The following GABRA4 variants were observed in gnomAD, a reference collection of about 807,000 sequenced individuals.
GABRA4 encodes gamma-aminobutyric acid type A receptor subunit alpha4, also known as gamma-aminobutyric acid receptor subunit alpha-4.
A neutral mutation model predicts 49.7 loss-of-function variants in GABRA4; 12 were observed. The observed-to-expected ratio is 0.24, with a 90% CI of 0.15 to 0.39. The LOEUF (loss-of-function observed/expected upper bound fraction) is 0.39. Ranked by LOEUF, GABRA4 falls within the 10% of genes least tolerant of loss-of-function variation. The pLI, the probability that GABRA4 is intolerant of heterozygous loss-of-function variation, is 1.00. For synonymous variants in GABRA4, 288 were observed against 240.2 expected (o/e 1.20, Z -1.84); for missense variants, 506 against 686.0 (o/e 0.74, Z 2.93).
At chr4:46,939,464 A>T in intron 8 of GABRA4, among the ~76,000 whole-genome samples, 1 of 151,972 alleles carries the variant, frequency 6.6e-6, no homozygotes, top group Non-Finnish European at 1.5e-5. Flanking sequence ...CATTTTCCCA[A>T]TGAGGGCACT....
chr4:46,928,752 T>C lies in GABRA4; in HGVS notation c.1138A>G (p.Thr380Ala), dbSNP rs142872897. ...TTTCTCATGTTCAAATTGGCATTTGTATTCTGAAAAGGTATATGAAAAAAT... is the reference window on the plus strand; with the variant it reads ...TTTCTCATGTTCAAATTGGCATTTGCATTCTGAAAAGGTATATGAAAAAAT... ...EKHPEAPLQNTNANLNMRKRT... is the reference protein window; with the variant it reads ...EKHPEAPLQNANANLNMRKRT... Residue 380 changes from threonine (T) to alanine (A), a missense_variant, in exon 9 of 9, where the codon ACA becomes GCA. Coordinates refer to ENST00000264318, the MANE Select transcript of GABRA4 (RefSeq NM_000809.4). 115 of 1,603,876 alleles carry C rather than the reference T, an allele frequency of 7.2e-5. No homozygotes were observed. Among genetic ancestry groups the C allele is most frequent in the Admixed American group, 1.0e-4 (6 of 59,498 alleles).
chr4:46,988,521 C>A (rs185177489), intron 2 of GABRA4, among the ~76,000 whole-genome samples: 3 of 152,298 alleles, frequency 2.0e-5, no homozygotes, highest in African/African-American at 4.8e-5. Context: ...AAGGCTAGCA[C>A]ATGACACATT....
intron 8 of GABRA4, among the ~76,000 whole-genome samples, chr4:46,941,712 T>C (rs1268121290): frequency 1.3e-5 from 2 of 152,138 alleles, no homozygotes; most frequent in African/African-American, 4.8e-5. Flanking sequence ...TTTTGTGCCA[T>C]GTTCAAAATT....
chr4:46,985,594 C>A (rs569748347), intron 2 of GABRA4, among the ~76,000 whole-genome samples: 2 of 151,972 alleles, frequency 1.3e-5, no homozygotes, highest in South Asian at 4.2e-4. Flanking sequence ...TATACAAATG[C>A]AATCAGATGT....
rs551515697 is a variant in GABRA4 at position 46,925,701 on chromosome 4, G to C, written c.*2524C>G. 1 of 146,078 alleles carries C rather than the reference G, an allele frequency of 6.8e-6. No homozygotes were observed. Among genetic ancestry groups the C allele is most frequent in the Admixed American group, 7.0e-5 (1 of 14,280 alleles). The allele number at this position is 146,078 out of a possible 1,614,324, so 9.0% of individuals were successfully genotyped here. ...ATGAATTTGATGAAATTCAGTTAAG[G>C]AAAGCAAACAACATATTATTATTAT... is the stretch of plus-strand genomic sequence containing the variant. On this transcript the variant is annotated 3_prime_UTR_variant, in exon 9 of 9. Transcript: ENST00000264318.
chr4:46,988,213 A>G (rs536075516), intron 2 of GABRA4, among the ~76,000 whole-genome samples: 1 of 152,260 alleles, frequency 6.6e-6, no homozygotes, highest in East Asian at 1.9e-4. Context: ...CCCTTTTAGC[A>G]TGATATTAGA....
At position 46,977,583 on chromosome 4, in the gene GABRA4, T is replaced by A; in HGVS notation, c.321A>T (p.Arg107Ser). ...TTTCAATGGGGCCGTCATATTTTAA[T>A]CTTTTGTCAATCCATGTCTGCCTGA... is the stretch of plus-strand genomic sequence containing the variant. The part of the protein sequence containing the change: ...VFFRQTWIDK[R>S]LKYDGPIEIL... Residue 107 changes from arginine to serine, a missense_variant, in exon 4 of 9, where the codon AGA becomes AGT. Around this residue, in one of 5 missense-constraint regions of GABRA4, gnomAD observed 195 missense variants for 326.0 expected, o/e 0.60. Coordinates refer to ENST00000264318, the MANE Select transcript of GABRA4 (RefSeq NM_000809.4). 1 of 1,613,122 alleles carries A rather than the reference T, an allele frequency of 6.2e-7. No individual in the cohort carries two copies. The highest frequency in any genetic ancestry group is 8.5e-7 in the Non-Finnish European group (1 of 1,179,434).
At chr4:46,953,074 C>T (rs1159847721) in intron 8 of GABRA4, among the ~76,000 whole-genome samples, 3 of 152,200 alleles carry the variant, frequency 2.0e-5, no homozygotes, top group African/African-American at 7.2e-5. Flanking sequence ...GAAGTAATAA[C>T]AATTCCAATA....
chr4:46,936,773 G>A (rs973572197), intron 8 of GABRA4, among the ~76,000 whole-genome samples: 1 of 152,182 alleles, frequency 6.6e-6, no homozygotes, highest in Admixed American at 6.6e-5. Flanking sequence ...ATATTTAAAA[G>A]AATTGTATCT....
chr4:46,944,624 TTGC>T (rs967844044), intron 8 of GABRA4, among the ~76,000 whole-genome samples: 12 of 152,144 alleles, frequency 7.9e-5, no homozygotes, highest in Non-Finnish European at 1.5e-4. Flanking sequence ...TTCTGGTTCT[TTGC>T]ACATTCTCTT....
chr4:46,992,661 G>A (rs181300626), intron 2 of GABRA4, 167 bp downstream of exon 2: 2 of 621,082 alleles, frequency 3.2e-6, no homozygotes, highest in South Asian at 3.9e-5. Flanking sequence ...AGTACGGGTG[G>A]AGGCGGTCTT....
At chr4:46,991,966 C>T (rs1348179039) in intron 2 of GABRA4, among the ~76,000 whole-genome samples, 1 of 152,182 alleles carries the variant, frequency 6.6e-6, no homozygotes, top group Admixed American at 6.5e-5. Context: ...AAAACAGGGA[C>T]TTTGAGATCA....
At chr4:46,938,750 C>T (rs556806784) in intron 8 of GABRA4, among the ~76,000 whole-genome samples, 9 of 151,958 alleles carry the variant, frequency 5.9e-5, no homozygotes, top group Non-Finnish European at 1.3e-4. Context: ...AGTTTATTAT[C>T]CAGGTCAAGT....
rs1721006593 is a variant in GABRA4, at chr4:46,921,047, C to T, written c.*7178G>A. On this transcript the variant is annotated 3_prime_UTR_variant, in exon 9 of 9. Coordinates refer to ENST00000264318, the MANE Select transcript of GABRA4 (RefSeq NM_000809.4). ...TTTCCTTTGCATAGTTCCATTTTTCCATTTTGAAGTGGAGATGTTTGTCTC... is the reference window on the plus strand; with the variant it reads ...TTTCCTTTGCATAGTTCCATTTTTCTATTTTGAAGTGGAGATGTTTGTCTC... 1 of 151,448 alleles carries T rather than the reference C, an allele frequency of 6.6e-6. No individual in the cohort carries two copies. The highest frequency in any genetic ancestry group is 1.5e-5 in the Non-Finnish European group (1 of 67,688). 9.4% of individuals were successfully genotyped at this position (151,448 alleles called of 1,614,324 possible).
At position 46,993,488 on chromosome 4, in the gene GABRA4, G is replaced by A. The variant is rs1293369264; in HGVS notation, c.-64C>T. On this transcript the variant is annotated 5_prime_UTR_variant, in exon 1 of 9. Coordinates refer to ENST00000264318, the MANE Select transcript of GABRA4 (RefSeq NM_000809.4). ...CAGGCTCTTCAGATGCCCTGAGCAGGGTGCGAGGAGAGGGCAGAGAGGCTC... is the reference window on the plus strand; with the variant it reads ...CAGGCTCTTCAGATGCCCTGAGCAGAGTGCGAGGAGAGGGCAGAGAGGCTC... The A allele has an allele frequency of 1.3e-6, 2 of 1,546,096 alleles. No individual in the cohort carries two copies. Among genetic ancestry groups the A allele is most frequent in the African/African-American group, 2.7e-5 (2 of 73,538 alleles).
rs568409999 is a variant in GABRA4, at chr4:46,984,747, C to T, written c.206-5649G>A. The stretch of plus-strand genomic sequence containing the variant: ...ATTCAAATCATTTCACAATAAAATG[C>T]CATTTTAAGAAATACCATTTCAAGA... On this transcript the variant is annotated intron_variant, in intron 2 of 8. Transcript: ENST00000264318. Among the ~76,000 whole-genome samples the T allele has an allele frequency of 2.7e-4, 41 of 151,886 alleles. No homozygotes were observed. In the East Asian group the frequency reaches 7.0e-3, roughly 26 times the overall value.
intron 2 of GABRA4, among the ~76,000 whole-genome samples, chr4:46,989,422 T>G (rs1394834899): frequency 6.6e-6 from 1 of 152,216 alleles, no homozygotes; most frequent in Non-Finnish European, 1.5e-5. Context: ...TTGAGAGGAC[T>G]ACATCCTCTC....
At chr4:46,931,877 T>C (rs911548218) in intron 8 of GABRA4, among the ~76,000 whole-genome samples, 7 of 152,126 alleles carry the variant, frequency 4.6e-5, no homozygotes, top group Non-Finnish European at 1.0e-4. Context: ...TTCATGAGTG[T>C]TCCGTTAAGA....
chr4:46,993,456 A>G lies in GABRA4; in HGVS notation c.-32T>C. On this transcript the variant is annotated 5_prime_UTR_variant, in exon 1 of 9. Coordinates refer to ENST00000264318, the MANE Select transcript of GABRA4 (RefSeq NM_000809.4). ...AACATGCCATACTTCAAGCCTGTTC[A>G]CGTTTCCAGGCTCTTCAGATGCCCT... 3 of 1,609,614 alleles carry G rather than the reference A, an allele frequency of 1.9e-6. No homozygotes were observed. Among genetic ancestry groups the G allele is most frequent in the Non-Finnish European group, 2.6e-6 (3 of 1,176,018 alleles).
Sources: allele counts gnomAD v4.1 joint callset (sites outside exome capture counted in the v4.1 genomes callset), GRCh38; gene constraint gnomAD v4.1.1; regional missense constraint gnomAD v4.1.1; transcripts MANE v1.5; gene names NCBI Gene and HGNC (gene_info 2026-07-23, HGNC 2026-07-21).